Variants in CCDC191 observed in about 807,000 individuals in gnomAD.
CCDC191 encodes the protein coiled-coil domain containing 191.
In CCDC191, 99 loss-of-function variants were observed where a neutral mutation model predicts 114.0. The observed-to-expected ratio is 0.87, with a 90% confidence interval of 0.74 to 1.03. CCDC191 has a LOEUF of 1.03. Ranked by LOEUF, CCDC191 falls within the 50% of genes least tolerant of loss-of-function variation. The pLI is 0.00. For missense variants in CCDC191, 973 were observed against 1,087.0 expected (o/e 0.90, Z 1.47); for synonymous variants, 351 against 376.0 (o/e 0.93, Z 0.77).
chr3:114,001,510 C>T, intron 13 of CCDC191, 85 bp downstream of exon 13: 7 of 1,530,182 alleles, frequency 4.6e-6, no homozygotes, highest in Non-Finnish European at 6.1e-6. Flanking sequence ...GATAGAAGTT[C>T]TGGGTTAAAG....
chr3:113,992,112 G>A (rs2075587467), intron 13 of CCDC191, among the ~76,000 whole-genome samples: 1 of 152,146 alleles, frequency 6.6e-6, no homozygotes, highest in African/African-American at 2.4e-5. Context: ...GTACTTTGTG[G>A]AAGTCCAGAA....
At chr3:114,039,730 A>G (rs1183384180) in intron 4 of CCDC191, among the ~76,000 whole-genome samples, 1 of 151,366 alleles carries the variant, frequency 6.6e-6, no homozygotes, top group Admixed American at 6.6e-5. Flanking sequence ...CAAGAAAAAA[A>G]AATTAAAATT....
intron 13 of CCDC191, among the ~76,000 whole-genome samples, chr3:113,995,300 C>A (rs536362552): frequency 6.6e-6 from 1 of 151,956 alleles, no homozygotes; most frequent in African/African-American, 2.4e-5. Context: ...ATTTATACCC[C>A]CTAAATCTAT....
chr3:114,009,612 G>A (rs969034367), intron 9 of CCDC191, among the ~76,000 whole-genome samples: 1 of 152,076 alleles, frequency 6.6e-6, no homozygotes, highest in Non-Finnish European at 1.5e-5. Flanking sequence ...TCAGTCATTC[G>A]CCAAAACATT....
chr3:114,052,155 A>C (rs2076706159), intron 2 of CCDC191, among the ~76,000 whole-genome samples: 1 of 152,212 alleles, frequency 6.6e-6, no homozygotes, highest in African/African-American at 2.4e-5. Flanking sequence ...ATCAGAATAG[A>C]TTACAGGATC....
chr3:113,983,844 A>G (rs1336276551), intron 13 of CCDC191, among the ~76,000 whole-genome samples: 1 of 152,256 alleles, frequency 6.6e-6, no homozygotes, highest in African/African-American at 2.4e-5. Flanking sequence ...AGAAGTATAT[A>G]TAGCCATAAA....
intron 7 of CCDC191, among the ~76,000 whole-genome samples, chr3:114,022,606 A>C (rs2076258911): frequency 6.6e-6 from 1 of 152,124 alleles, no homozygotes; most frequent in Admixed American, 6.6e-5. Context: ...AGAAAGCTAC[A>C]TTCTACACCC....
intron 4 of CCDC191, among the ~76,000 whole-genome samples, chr3:114,039,986 C>T (rs1202745594): frequency 6.6e-6 from 1 of 152,228 alleles, no homozygotes. Flanking sequence ...TTCACATTTA[C>T]TCACAACTCA....
intron 6 of CCDC191, among the ~76,000 whole-genome samples, chr3:114,032,018 A>G (rs2076412894): frequency 6.6e-6 from 1 of 152,182 alleles, no homozygotes; most frequent in Non-Finnish European, 1.5e-5. Context: ...AAAGTCTTAT[A>G]GATACTTTAG....
At chr3:114,049,931 A>C (rs1439102085) in intron 2 of CCDC191, among the ~76,000 whole-genome samples, 1 of 152,216 alleles carries the variant, frequency 6.6e-6, no homozygotes, top group Non-Finnish European at 1.5e-5. Flanking sequence ...CTCTGTTCCC[A>C]GCACTGGAGT....
intron 6 of CCDC191, among the ~76,000 whole-genome samples, chr3:114,033,931 A>G (rs1020878020): frequency 5.3e-5 from 8 of 152,192 alleles, no homozygotes; most frequent in Non-Finnish European, 1.0e-4. Flanking sequence ...GGAAGGGATT[A>G]TCTAATAGGT....
chr3:114,005,571 G>C lies in CCDC191; in HGVS notation c.1805C>G (p.Ala602Gly), dbSNP rs755461389. The C allele has an allele frequency of 6.8e-6, 11 of 1,614,110 alleles. No homozygotes were observed. Among genetic ancestry groups the C allele is most frequent in the Non-Finnish European group, 8.5e-6 (10 of 1,180,000 alleles). The change falls in exon 10 of 17, where the codon GCA becomes GGA. Residue 602 changes from alanine (A) to glycine (G), a missense_variant. Physicochemically the swap from Ala to Gly is moderately conservative, Grantham distance 60 (BLOSUM62 0). Transcript: ENST00000295878. ...GGGCTTTGACAGCAGGTGGCTCTGT[G>C]CTTCTGTGACTGCTAAGGCATGCTC... The part of the protein sequence containing the change: ...AAEHALAVTE[A>G]QSHLLSKPRE...
chr3:114,037,780 AC>A (rs2076506008), intron 4 of CCDC191, among the ~76,000 whole-genome samples: 1 of 152,192 alleles, frequency 6.6e-6, no homozygotes, highest in Non-Finnish European at 1.5e-5. Flanking sequence ...TACTTATGAT[AC>A]CCAATACAAT....
intron 16 of CCDC191, among the ~76,000 whole-genome samples, chr3:113,965,910 T>G (rs947271267): frequency 2.0e-5 from 3 of 151,952 alleles, no homozygotes; most frequent in Non-Finnish European, 4.4e-5. Flanking sequence ...TTTTTATTTT[T>G]GATTGAGTGG....
intron 13 of CCDC191, among the ~76,000 whole-genome samples, chr3:113,995,990 A>G (rs13321508): frequency 1 from 152,305 of 152,308 alleles, 76,151 homozygotes; most frequent in Non-Finnish European, 1. Context: ...TTTTTTTTTT[A>G]TACATTTAAA....
At chr3:114,039,749 A>G (rs1480336652) in intron 4 of CCDC191, among the ~76,000 whole-genome samples, 1 of 151,852 alleles carries the variant, frequency 6.6e-6, no homozygotes, top group African/African-American at 2.4e-5. Context: ...TTTCAGAAAT[A>G]GAAAAAAGTA....
chr3:114,035,081 T>A lies in CCDC191; in HGVS notation c.662A>T (p.Lys221Ile), dbSNP rs1290226999. The part of the protein sequence containing the change: ...EYQRIEKTLK[K>I]SAFLEAQCLV... Reference sequence around the variant, plus strand: ...ACACTGAGCCTCCAAGAAGGCCGATTTTTTCAGGGTCTTTTCTATTCTCTG... The same window carrying A: ...ACACTGAGCCTCCAAGAAGGCCGATATTTTCAGGGTCTTTTCTATTCTCTG... The change falls in exon 6 of 17, where the codon AAA becomes ATA. Residue 221 changes from lysine (K) to isoleucine (I), a missense_variant. Physicochemically the swap from Lys to Ile is moderately radical, Grantham distance 102. Coordinates refer to ENST00000295878, the MANE Select transcript of CCDC191 (RefSeq NM_020817.2). The A allele has an allele frequency of 1.2e-6, 2 of 1,614,118 alleles. No individual in the cohort carries two copies. The highest frequency in any genetic ancestry group is 1.7e-6 in the Non-Finnish European group (2 of 1,179,994).
intron 13 of CCDC191, among the ~76,000 whole-genome samples, chr3:114,000,653 C>T (rs2075837741): frequency 6.6e-6 from 1 of 151,946 alleles, no homozygotes. Context: ...ATCTCTCTCT[C>T]TCTCTTTTTT....
At chr3:114,046,871 A>G (rs1274062010) in intron 2 of CCDC191, 139 bp from the exon 3 acceptor site, 16 of 1,375,650 alleles carry the variant, frequency 1.2e-5, no homozygotes, top group Non-Finnish European at 1.5e-5. Flanking sequence ...GAAACTCTTG[A>G]GGTTTAAACA....
Sources: allele counts gnomAD v4.1 joint callset (sites outside exome capture counted in the v4.1 genomes callset), GRCh38; gene constraint gnomAD v4.1.1; transcripts MANE v1.5; gene names NCBI Gene and HGNC (gene_info 2026-07-23, HGNC 2026-07-21).